The following NLGN1 variants were observed in gnomAD, a reference collection of about 807,000 sequenced individuals.
The protein encoded by NLGN1 is neuroligin 1, also known as neuroligin-1.
In NLGN1, 12 loss-of-function variants were observed where a neutral mutation model predicts 65.5. That is an observed-to-expected ratio of 0.18 (90% CI 0.12 to 0.30). The LOEUF is 0.30. Ranked by LOEUF, NLGN1 falls within the 10% of genes least tolerant of loss-of-function variation. The probability of loss-of-function intolerance (pLI) is 1.00; values close to 1 mark genes in which losing one functional copy is unlikely to be tolerated. For synonymous variants in NLGN1, 350 were observed against 359.5 expected, an observed-to-expected ratio of 0.97 and a Z score of 0.30; for missense variants, 750 against 1,007.1, an observed-to-expected ratio of 0.74 and a Z score of 3.46.
chr3:173,445,703 T>C (rs1240998993), intron 2 of NLGN1, among the ~76,000 whole-genome samples: 1 of 152,246 alleles, frequency 6.6e-6, no homozygotes. Flanking sequence ...TTTCTACATA[T>C]CAGCAGCCTT....
chr3:174,170,863 ATGTT>A (rs1239629753), intron 4 of NLGN1, among the ~76,000 whole-genome samples: 1 of 152,192 alleles, frequency 6.6e-6, no homozygotes, highest in Non-Finnish European at 1.5e-5. Context: ...ATTAAGCCAA[ATGTT>A]TGTTTAACCA....
intron 2 of NLGN1, among the ~76,000 whole-genome samples, chr3:173,565,814 T>A (rs191712648): frequency 6.6e-6 from 1 of 152,302 alleles, no homozygotes; most frequent in East Asian, 1.9e-4. Context: ...GCAAGGAAGA[T>A]GAAGCAGATA....
chr3:173,980,928 A>G (rs1233965433), intron 4 of NLGN1, among the ~76,000 whole-genome samples: 1 of 152,180 alleles, frequency 6.6e-6, no homozygotes, highest in Non-Finnish European at 1.5e-5. Context: ...CCTTTGATCC[A>G]TATTTTTTCA....
intron 4 of NLGN1, among the ~76,000 whole-genome samples, chr3:173,914,628 G>T (rs1289257326): frequency 6.6e-6 from 1 of 152,162 alleles, no homozygotes; most frequent in Admixed American, 6.5e-5. Context: ...AATTCGTAGA[G>T]TATGTGTGTG....
intron 4 of NLGN1, among the ~76,000 whole-genome samples, chr3:173,893,849 T>C (rs1219256154): frequency 6.6e-6 from 1 of 152,234 alleles, no homozygotes; most frequent in African/African-American, 2.4e-5. Flanking sequence ...ACCTCCTTTT[T>C]ATGTCATCGC....
intron 4 of NLGN1, among the ~76,000 whole-genome samples, chr3:174,249,496 T>A (rs16858417): frequency 6.6e-6 from 1 of 152,162 alleles, no homozygotes; most frequent in Admixed American, 6.5e-5. Context: ...CATTGCATGA[T>A]AAGTGAATAT....
At chr3:174,257,385 A>G (rs1745991907) in intron 4 of NLGN1, among the ~76,000 whole-genome samples, 1 of 152,184 alleles carries the variant, frequency 6.6e-6, no homozygotes, top group African/African-American at 2.4e-5. Flanking sequence ...ATACCATGTG[A>G]CCCAACAATC....
At chr3:173,737,677 T>C (rs2150090657) in intron 3 of NLGN1, among the ~76,000 whole-genome samples, 1 of 152,232 alleles carries the variant, frequency 6.6e-6, no homozygotes, top group Non-Finnish European at 1.5e-5. Flanking sequence ...TTTGAGTTTT[T>C]TCTACTTTTT....
intron 3 of NLGN1, among the ~76,000 whole-genome samples, chr3:173,653,853 G>C (rs1759578775): frequency 6.6e-6 from 1 of 152,070 alleles, no homozygotes; most frequent in Non-Finnish European, 1.5e-5. Context: ...TTCCTTTCTA[G>C]CAACCTCTTA....
At position 174,096,581 on chromosome 3, in the gene NLGN1, C is replaced by T. The variant is rs143731019; in HGVS notation, c.647-178734C>T. ...AAATGGGAAAGTCCCCACCAAAATA[C>T]CTACACCATTCAAGGTGAATGTTTA... On this transcript the variant is annotated intron_variant, in intron 4 of 6. Transcript: ENST00000457714. Among the ~76,000 whole-genome samples the T allele has an allele frequency of 6.1e-3, 932 of 152,002 alleles. 23 individuals carry two copies. The highest frequency in any genetic ancestry group is 0.038 in the East Asian group (195 of 5,166).
At chr3:173,811,559 T>G (rs1315642261) in intron 4 of NLGN1, among the ~76,000 whole-genome samples, 2 of 114,442 alleles carry the variant, frequency 1.7e-5, no homozygotes, top group African/African-American at 3.5e-5. Flanking sequence ...AAGAGTGAAC[T>G]CCGTCTCAAA....
chr3:173,819,372 C>T (rs901324173), intron 4 of NLGN1, among the ~76,000 whole-genome samples: 1 of 152,142 alleles, frequency 6.6e-6, no homozygotes, highest in Non-Finnish European at 1.5e-5. Context: ...CATCTCTAAA[C>T]GGTTCTCACT....
chr3:174,184,142 C>T (rs1269882731), intron 4 of NLGN1, among the ~76,000 whole-genome samples: 1 of 151,812 alleles, frequency 6.6e-6, no homozygotes, highest in Admixed American at 6.6e-5. Context: ...AAGTCAATAA[C>T]ACTAGACAAA....
At chr3:173,883,692 TCTGATTTAAATCC>T (rs1733762002) in intron 4 of NLGN1, among the ~76,000 whole-genome samples, 1 of 152,152 alleles carries the variant, frequency 6.6e-6, no homozygotes, top group Admixed American at 6.5e-5. Context: ...ATTACCAGTT[TCTGATTTAAATCC>T]CTGTACTATA....
At position 174,177,829 on chromosome 3, in the gene NLGN1, G is replaced by T. The variant is rs556760829; in HGVS notation, c.647-97486G>T. 5.9e-5 allele frequency among the ~76,000 whole-genome samples: 9 copies of T among 152,080 alleles called. No homozygotes were observed. In the South Asian group the frequency reaches 8.3e-4, roughly 14 times the overall value. On this transcript the variant is annotated intron_variant, in intron 4 of 6. Transcript: ENST00000457714. ...GCATAGTCATAATTAATAAATTTTT[G>T]ATTTATTCTTCATGTTGGAATTAGT...
chr3:174,240,928 G>T (rs180980370), intron 4 of NLGN1, among the ~76,000 whole-genome samples: 167 of 152,170 alleles, frequency 1.1e-3, no homozygotes, highest in Middle Eastern at 3.4e-3. Flanking sequence ...TTTCTTTTCT[G>T]CTTCCACATT....
At chr3:173,541,030 C>T (rs928400250) in intron 2 of NLGN1, among the ~76,000 whole-genome samples, 1 of 152,094 alleles carries the variant, frequency 6.6e-6, no homozygotes, top group African/African-American at 2.4e-5. Flanking sequence ...AATACACAAG[C>T]ACAGTGACGT....
chr3:173,551,926 C>T (rs1463962289), intron 2 of NLGN1, among the ~76,000 whole-genome samples: 2 of 152,140 alleles, frequency 1.3e-5, no homozygotes, highest in Non-Finnish European at 2.9e-5. Context: ...TATTTGGCTC[C>T]TAGGCACCTA....
At chr3:173,791,813 A>T (rs1712831866) in intron 3 of NLGN1, among the ~76,000 whole-genome samples, 1 of 152,012 alleles carries the variant, frequency 6.6e-6, no homozygotes, top group African/African-American at 2.4e-5. Flanking sequence ...TCTGCTTCTG[A>T]CTAGCTGTGA....
Sources: allele counts gnomAD v4.1 joint callset (sites outside exome capture counted in the v4.1 genomes callset), GRCh38; gene constraint gnomAD v4.1.1; transcripts MANE v1.5; gene names NCBI Gene and HGNC (gene_info 2026-07-23, HGNC 2026-07-21).